SFR1: variants seen among roughly 807,000 people sequenced by gnomAD.
SFR1 encodes swi5-dependent recombination DNA repair protein 1 homolog.
SFR1 carries 24 observed loss-of-function variants against 26.2 expected under a neutral mutation model. That is an observed-to-expected ratio of 0.92 (90% confidence interval 0.66 to 1.29). The LOEUF is 1.29. Ranked by LOEUF, SFR1 falls within the 50% of genes most tolerant of loss-of-function variation. The pLI is 0.00. For synonymous variants in SFR1, 77 were observed against 96.6 expected (o/e 0.80, Z 1.19); for missense variants, 276 against 270.2 (o/e 1.02, Z -0.15).
chr10:104,123,237 A>T, intron 2 of SFR1, 151 bp downstream of exon 2: 1 of 645,474 alleles, frequency 1.5e-6, no homozygotes, highest in Non-Finnish European at 2.5e-6. Context: ...TTTTCTTCTA[A>T]GGTGACATAT....
upstream of SFR1, among the ~76,000 whole-genome samples, chr10:104,121,146 G>A (rs908136490): frequency 6.6e-6 from 1 of 151,928 alleles, no homozygotes; most frequent in Non-Finnish European, 1.5e-5. Context: ...GCTGCTGCCC[G>A]GTAGCCAGCA....
chr10:104,122,229 C>T (rs1344974640), intron 1 of SFR1, 33 bp downstream of exon 1: 8 of 1,524,842 alleles, frequency 5.2e-6, no homozygotes, highest in Non-Finnish European at 6.2e-6. Context: ...GGATCCCTGA[C>T]ACCTGGGCTT....
At chr10:104,123,133 G>A (rs775765926) in intron 2 of SFR1, 47 bp downstream of exon 2, 2 of 1,429,728 alleles carry the variant, frequency 1.4e-6, no homozygotes, top group Non-Finnish European at 1.9e-6. Flanking sequence ...GTGTTTCTAA[G>A]TATTGTGGCA....
intron 3 of SFR1, among the ~76,000 whole-genome samples, 172 bp downstream of exon 3, chr10:104,124,296 T>C (rs142894607): frequency 1.2e-4 from 18 of 152,230 alleles, no homozygotes; most frequent in Non-Finnish European, 2.1e-4. Context: ...GAAAAGGCCC[T>C]TAAACACCAG....
intron 3 of SFR1, among the ~76,000 whole-genome samples, chr10:104,125,199 G>C (rs2087011890): frequency 6.6e-6 from 1 of 152,138 alleles, no homozygotes. Context: ...TTTTTAAAAA[G>C]TACAGTTGTA....
Position 104,122,201 on chromosome 10 carries a change from C to T in SFR1, c.13+5C>T, listed in dbSNP as rs373478009. The T allele has an allele frequency of 2.7e-5, 42 of 1,543,406 alleles. No individual in the cohort carries two copies. The highest frequency in any genetic ancestry group is 2.5e-4 in the African/African-American group (18 of 72,146). On this transcript the variant is annotated splice_donor_5th_base_variant and intron_variant, in intron 1 of 3. Transcript: ENST00000369727. ...CGCTGGGAATGGCGGAGGGAGGTAC[C>T]CTGCTGAGGGGAAGGGGGGATCCCT...
Position 104,123,091 on chromosome 10 carries a change from G to A in SFR1, c.135+5G>A. On this transcript the variant is annotated splice_donor_5th_base_variant and intron_variant, in intron 2 of 3. Transcript: ENST00000369727. ...ACAAATAGTTCCCGAAAACAAGTAT[G>A]AAAATCTTTGTTCTTCCAGTGGATC... 6.4e-7 allele frequency: 1 copy of A among 1,553,230 alleles called. No individual in the cohort carries two copies. The highest frequency in any genetic ancestry group is 8.7e-7 in the Non-Finnish European group (1 of 1,152,548).
Position 104,123,923 on chromosome 10 carries a change from G to GA in SFR1, c.350dup (p.Asn117LysfsTer10). ...GTGAATTTGAAGAAAATACAAATTT[G>GA]AAAAATACTTTGAAGAATCTCAATG... On this transcript the variant is annotated frameshift_variant, in exon 3 of 4. Coordinates refer to ENST00000369727, the MANE Select transcript of SFR1 (RefSeq NM_001002759.2). LOFTEE classifies it high-confidence loss of function. 6.2e-7 allele frequency: 1 copy of GA among 1,613,004 alleles called. No homozygotes were observed. The highest frequency in any genetic ancestry group is 8.5e-7 in the Non-Finnish European group (1 of 1,179,624).
Position 104,122,209 on chromosome 10 carries a change from G to T in SFR1, c.13+13G>T. On this transcript the variant is annotated intron_variant, in intron 1 of 3. Transcript: ENST00000369727. ...ATGGCGGAGGGAGGTACCCTGCTGA[G>T]GGGAAGGGGGGATCCCTGACACCTG... is the stretch of plus-strand genomic sequence containing the variant. 6.5e-7 allele frequency: 1 copy of T among 1,539,432 alleles called. No individual in the cohort carries two copies. Among genetic ancestry groups the T allele is most frequent in the East Asian group, 2.5e-5 (1 of 39,794 alleles).
Position 104,123,039 on chromosome 10 carries a change from G to T in SFR1, c.88G>T (p.Ala30Ser), listed in dbSNP as rs1254128088. Reference sequence around the variant, plus strand: ...TGTGGTTTTACCTAGCACTCCTCAGGCCTCTGCGAATCCATCATCTCCCTA... The same window carrying T: ...TGTGGTTTTACCTAGCACTCCTCAGTCCTCTGCGAATCCATCATCTCCCTA... ...SAVVLPSTPQ[A>S]SANPSSPYTN... The change falls in exon 2 of 4, where the codon GCC (alanine) becomes TCC (serine). Residue 30 changes from alanine (A) to serine (S), a missense_variant. By Grantham distance (99) the Ala-to-Ser change is moderately conservative. Transcript: ENST00000369727. The T allele has an allele frequency of 7.5e-6, 12 of 1,606,754 alleles. No homozygotes were observed. Among genetic ancestry groups the T allele is most frequent in the South Asian group, 3.3e-5 (3 of 90,060 alleles).
At chr10:104,124,596 G>T (rs2087005753) in intron 3 of SFR1, among the ~76,000 whole-genome samples, 1 of 150,508 alleles carries the variant, frequency 6.6e-6, no homozygotes, top group South Asian at 2.1e-4. Context: ...AACCCATATA[G>T]GTTGAATTAA....
upstream of SFR1, among the ~76,000 whole-genome samples, chr10:104,120,964 C>G (rs1168089643): frequency 6.6e-6 from 1 of 152,180 alleles, no homozygotes; most frequent in Admixed American, 6.5e-5. Context: ...AATAAGAGGA[C>G]TGAAAACACT....
chr10:104,123,965 A>T lies in SFR1; in HGVS notation c.387A>T (p.Ser129=), dbSNP rs2086997902. The T allele has an allele frequency of 6.2e-7, 1 of 1,613,836 alleles. No individual in the cohort carries two copies. The highest frequency in any genetic ancestry group is 1.3e-5 in the African/African-American group (1 of 74,928). ...LKNLNVCESQ[S]LDSGSCSALQ... ...ATCTCAATGTCTGTGAATCTCAGTC[A>T]CTTGATTCTGGATCATGCAGTGCTC... The change falls in exon 3 of 4, where the codon TCA becomes TCT. Residue 129 remains serine (S), a synonymous_variant. Transcript: ENST00000369727.
upstream of SFR1, among the ~76,000 whole-genome samples, chr10:104,121,738 C>T (rs190957426): frequency 3.3e-5 from 5 of 152,334 alleles, no homozygotes; most frequent in East Asian, 3.9e-4. Flanking sequence ...GCGCACTTCA[C>T]AGACGCACAA....
chr10:104,125,848 C>T lies in SFR1; in HGVS notation c.*144C>T. ...TGGTGCGATCTTGACTCACTGCAACCTCTGCCTCTCGGGTTCCAGCAATTC... is the reference window on the plus strand; with the variant it reads ...TGGTGCGATCTTGACTCACTGCAACTTCTGCCTCTCGGGTTCCAGCAATTC... On this transcript the variant is annotated 3_prime_UTR_variant, in exon 4 of 4. Coordinates refer to ENST00000369727, the MANE Select transcript of SFR1 (RefSeq NM_001002759.2). 1.9e-6 allele frequency: 1 copy of T among 522,756 alleles called. No homozygotes were observed. The highest frequency in any genetic ancestry group is 2.4e-5 in the South Asian group (1 of 40,946). The allele number at this position is 522,756 out of a possible 1,614,324, so 32.4% of individuals were successfully genotyped here. A position where few individuals can be genotyped will look rare whatever the true frequency, so the allele number is the denominator to read the frequency against.
In SFR1 at chr10:104,125,829, G is replaced by A. The variant is rs555867949; in HGVS notation, c.*125G>A. 3.1e-4 allele frequency: 185 copies of A among 605,762 alleles called. 1 individual carries two copies. In the African/African-American group the frequency reaches 3.2e-3, roughly 10 times the overall value. 37.5% of individuals were successfully genotyped at this position (605,762 alleles called of 1,614,324 possible). On this transcript the variant is annotated 3_prime_UTR_variant, in exon 4 of 4. Transcript: ENST00000369727. ...CATCCTGGCTGGAGTGTGATGGTGC[G>A]ATCTTGACTCACTGCAACCTCTGCC...
chr10:104,126,373 G>A lies in SFR1; in HGVS notation c.*669G>A, dbSNP rs1334180391. ...GTCTAGCAGGTAATTAAACTTATAT[G>A]TCCAAAACCATATTCTTCCCTGTCT... is the stretch of plus-strand genomic sequence containing the variant. On this transcript the variant is annotated 3_prime_UTR_variant, in exon 4 of 4. Transcript: ENST00000369727. The A allele has an allele frequency of 6.6e-6, 1 of 152,388 alleles. No homozygotes were observed. Among genetic ancestry groups the A allele is most frequent in the Non-Finnish European group, 1.5e-5 (1 of 68,032 alleles). The allele number at this position is 152,388 out of a possible 1,614,324, so 9.4% of individuals were successfully genotyped here.
At position 104,122,209 on chromosome 10, in the gene SFR1, G is replaced by A. The variant is rs1411545869; in HGVS notation, c.13+13G>A. 1.9e-6 allele frequency: 3 copies of A among 1,539,432 alleles called. No individual in the cohort carries two copies. In the Admixed American group the frequency reaches 6.0e-5, roughly 31 times the overall value. ...ATGGCGGAGGGAGGTACCCTGCTGA[G>A]GGGAAGGGGGGATCCCTGACACCTG... On this transcript the variant is annotated intron_variant, in intron 1 of 3. Transcript: ENST00000369727.
chr10:104,124,418 G>A (rs368131969), intron 3 of SFR1, among the ~76,000 whole-genome samples: 2 of 152,046 alleles, frequency 1.3e-5, no homozygotes, highest in East Asian at 3.9e-4. Context: ...CAAGTACAAT[G>A]GGAACAGAAG....
Sources: allele counts gnomAD v4.1 joint callset (sites outside exome capture counted in the v4.1 genomes callset), GRCh38; gene constraint gnomAD v4.1.1; transcripts MANE v1.5; gene names NCBI Gene and HGNC (gene_info 2026-07-23, HGNC 2026-07-21).